Variants in RCC2 observed in about 807,000 individuals in gnomAD.
RCC2 encodes the protein regulator of chromosome condensation 2.
A neutral mutation model predicts 64.1 loss-of-function variants in RCC2; 19 were observed. That is an observed-to-expected ratio of 0.30 (90% confidence interval 0.21 to 0.44). The LOEUF (loss-of-function observed/expected upper bound fraction) is 0.44. Among genes scored for constraint, RCC2 ranks in the 20% least tolerant of loss-of-function variants. The probability of loss-of-function intolerance (pLI) is 1.00; values close to 1 mark genes in which losing one functional copy is unlikely to be tolerated. For missense variants in RCC2, 508 were observed against 710.4 expected, an observed-to-expected ratio of 0.72 and a Z score of 3.24; for synonymous variants, 325 against 279.6, an observed-to-expected ratio of 1.16 and a Z score of -1.62.
chr1:17,417,886 A>T (rs1169535998), intron 7 of RCC2, among the ~76,000 whole-genome samples: 1 of 151,858 alleles, frequency 6.6e-6, no homozygotes, highest in African/African-American at 2.4e-5. Context: ...ATCTGGGGGG[A>T]GGAGGAAACA....
In RCC2 at chr1:17,432,906, C is replaced by T. The variant is rs1040966067; in HGVS notation, c.286-3707G>A. Among the ~76,000 whole-genome samples, 4 of 151,754 alleles carry T rather than the reference C, an allele frequency of 2.6e-5. No homozygotes were observed. The South Asian group carries it at 6.2e-4, about 24-fold the overall frequency. ...CCGGGAGGCGGGGCTTGCAGTGAGC[C>T]GAGATCGCGCCACTGCACTCCAGAC... On this transcript the variant is annotated intron_variant, in intron 2 of 12. Transcript: ENST00000375436.
At chr1:17,428,247 C>G (rs1445033655) in intron 3 of RCC2, among the ~76,000 whole-genome samples, 2 of 152,244 alleles carry the variant, frequency 1.3e-5, no homozygotes, top group African/African-American at 2.4e-5. Context: ...TTACTGTAGA[C>G]CAGGAGGTGC....
Position 17,422,872 on chromosome 1 carries a change from G to A in RCC2, c.524-36C>T, listed in dbSNP as rs755403371. ...CATGAGAGAAAGTAGAAAAGAGAGAGGGTGGTCCAGGCGGCACCACCAGGA... is the reference window on the plus strand; with the variant it reads ...CATGAGAGAAAGTAGAAAAGAGAGAAGGTGGTCCAGGCGGCACCACCAGGA... On this transcript the variant is annotated intron_variant, in intron 4 of 12. Coordinates refer to ENST00000375436, the MANE Select transcript of RCC2 (RefSeq NM_018715.4). 2.5e-6 allele frequency: 4 copies of A among 1,612,712 alleles called. No individual in the cohort carries two copies. In the Admixed American group the frequency reaches 5.0e-5, roughly 20 times the overall value.
In RCC2 at chr1:17,425,361, T is replaced by A. The variant is rs568128522; in HGVS notation, c.523+180A>T. On this transcript the variant is annotated intron_variant, in intron 4 of 12. Coordinates refer to ENST00000375436, the MANE Select transcript of RCC2 (RefSeq NM_018715.4). ...CAAAAAATGTCAGGGGGGAAGGGGA[T>A]CTGCATGTAGCGTGTAGACAAGAGA... 1.5e-4 allele frequency among the ~76,000 whole-genome samples: 23 copies of A among 152,162 alleles called. No individual in the cohort carries two copies. The East Asian group carries it at 4.5e-3, about 29-fold the overall frequency.
chr1:17,409,626 C>T (rs1007597768), intron 12 of RCC2, among the ~76,000 whole-genome samples: 2 of 152,248 alleles, frequency 1.3e-5, no homozygotes, highest in South Asian at 2.1e-4. Context: ...AGCCACGCAG[C>T]CTCTACTCTG....
chr1:17,418,653 A>G (rs1472158149), intron 7 of RCC2, among the ~76,000 whole-genome samples: 1 of 152,080 alleles, frequency 6.6e-6, no homozygotes, highest in African/African-American at 2.4e-5. Context: ...AAGACTCCGT[A>G]TCAAAAAAAA....
At chr1:17,436,293 C>T (rs1357663162) in intron 2 of RCC2, among the ~76,000 whole-genome samples, 1 of 152,148 alleles carries the variant, frequency 6.6e-6, no homozygotes, top group Admixed American at 6.6e-5. Context: ...CACTTGAGGC[C>T]AGCAGTTTGA....
chr1:17,437,244 G>C (rs1424271133), intron 2 of RCC2, among the ~76,000 whole-genome samples: 1 of 152,148 alleles, frequency 6.6e-6, no homozygotes, highest in Non-Finnish European at 1.5e-5. Context: ...CTTAGGAGAT[G>C]GGCACTTATG....
intron 2 of RCC2, among the ~76,000 whole-genome samples, chr1:17,435,753 C>T (rs1305892119): frequency 6.6e-6 from 1 of 152,104 alleles, no homozygotes; most frequent in Non-Finnish European, 1.5e-5. Flanking sequence ...CCCGTCTCTA[C>T]TAAAAATACA....
In RCC2 at chr1:17,411,978, G is replaced by A. The variant is rs1040271557; in HGVS notation, c.1386+144C>T. The A allele has an allele frequency of 9.6e-5, 69 of 719,090 alleles. No homozygotes were observed. In the East Asian group the frequency reaches 1.8e-3, roughly 18 times the overall value. The allele number at this position is 719,090 out of a possible 1,614,324, so 44.5% of individuals were successfully genotyped here. ...CCTTGAAAACTCATGGGACTCAATC[G>A]TGTTGCAAACCTTAATACAATAAGG... On this transcript the variant is annotated intron_variant, in intron 11 of 12. Transcript: ENST00000375436.
intron 11 of RCC2, among the ~76,000 whole-genome samples, 156 bp downstream of exon 11, chr1:17,411,966 T>C (rs912733340): frequency 6.6e-6 from 1 of 152,254 alleles, no homozygotes; most frequent in Admixed American, 6.5e-5. Context: ...TGAAAACTCA[T>C]GGGACTCAAT....
chr1:17,417,516 AAAAC>A (rs755903337), intron 7 of RCC2, among the ~76,000 whole-genome samples: 13 of 152,242 alleles, frequency 8.5e-5, no homozygotes, highest in Non-Finnish European at 1.6e-4. Flanking sequence ...TTAAAAAACA[AAAAC>A]AAACAAACAA....
Position 17,409,061 on chromosome 1 carries a change from G to A in RCC2, c.*29C>T, listed in dbSNP as rs1318793427. On this transcript the variant is annotated 3_prime_UTR_variant, in exon 13 of 13. Transcript: ENST00000375436. ...ATGGAAATGACAGCTGCCGCGAGAG[G>A]TGTGGAGTCGGAGGAGTCTCCGGGA... The A allele has an allele frequency of 2.1e-6, 3 of 1,444,854 alleles. No individual in the cohort carries two copies. The highest frequency in any genetic ancestry group is 1.7e-5 in the Admixed American group (1 of 59,802). The allele number at this position is 1,444,854 out of a possible 1,614,324, so 89.5% of individuals were successfully genotyped here.
intron 3 of RCC2, among the ~76,000 whole-genome samples, chr1:17,428,631 C>T (rs143996351): frequency 2.6e-5 from 4 of 152,286 alleles, no homozygotes; most frequent in Admixed American, 1.3e-4. Flanking sequence ...TCTTAAGGAC[C>T]TCTCTGCTTT....
intron 2 of RCC2, among the ~76,000 whole-genome samples, chr1:17,435,515 C>G (rs1378390006): frequency 2.0e-5 from 3 of 152,240 alleles, no homozygotes; most frequent in Non-Finnish European, 4.4e-5. Flanking sequence ...AAACAGAGAC[C>G]AGAAACCTGG....
At chr1:17,435,481 G>C (rs1056866050) in intron 2 of RCC2, among the ~76,000 whole-genome samples, 1 of 152,220 alleles carries the variant, frequency 6.6e-6, no homozygotes, top group African/African-American at 2.4e-5. Flanking sequence ...CAGCACACAG[G>C]GTCCCTAGGA....
intron 1 of RCC2, 84 bp downstream of exon 1, chr1:17,439,461 T>C (rs1413822687): frequency 1.5e-4 from 22 of 147,946 alleles, no homozygotes; most frequent in African/African-American, 5.4e-4. Context: ...GGTTTTTTTT[T>C]AACCTTTTCT....
chr1:17,409,945 C>A (rs1273632775), intron 12 of RCC2, 29 bp downstream of exon 12: 1 of 1,596,126 alleles, frequency 6.3e-7, no homozygotes, highest in South Asian at 1.1e-5. Flanking sequence ...CGGACACGTC[C>A]CCGAGCTGGC....
At chr1:17,431,359 A>ATAAAAAATATATATAT (rs1265674393) in intron 2 of RCC2, among the ~76,000 whole-genome samples, 1 of 44,938 alleles carries the variant, frequency 2.2e-5, no homozygotes, top group Non-Finnish European at 3.8e-5. Context: ...AAAAAAAAAA[A>ATAAAAAATATATATAT]ATATATATAT....
Sources: gnomAD v4.1 joint callset for allele counts (sites outside exome capture counted in the v4.1 genomes callset) on GRCh38, gnomAD v4.1.1 for gene constraint, MANE v1.5 for transcripts, NCBI Gene and HGNC (gene_info 2026-07-23, HGNC 2026-07-21) for gene names.